Variants in CUL1 observed in about 807,000 individuals in gnomAD.
CUL1 encodes the protein cullin-1.
CUL1 carries 24 observed loss-of-function variants against 118.0 expected under a neutral mutation model. That is an observed-to-expected ratio of 0.20 (90% CI 0.15 to 0.29). CUL1 has a LOEUF of 0.29. Ranked by LOEUF, CUL1 falls within the 10% of genes least tolerant of loss-of-function variation. The pLI, the probability that CUL1 is intolerant of heterozygous loss-of-function variation, is 1.00. For synonymous variants in CUL1, 332 were observed against 340.4 expected (o/e 0.98, Z 0.27); for missense variants, 361 against 933.8 (o/e 0.39, Z 7.99).
rs1208702219 is a variant in CUL1, at chr7:148,706,661, G to T, written c.-162+7632G>T. 4.6e-5 allele frequency among the ~76,000 whole-genome samples: 5 copies of T among 109,844 alleles called. No individual in the cohort carries two copies. The Admixed American group carries it at 5.6e-4, about 12-fold the overall frequency. The allele number at this position is 109,844 out of a possible 152,430, so 72.1% of individuals were successfully genotyped here. A position where few individuals can be genotyped will look rare whatever the true frequency, so the allele number is the denominator to read the frequency against. On this transcript the variant is annotated intron_variant, in intron 1 of 21. Transcript: ENST00000325222. ...TATAGGGGACTTTGCCCTATACAGGGTATGTGTGTTGGGGGTGGGGGCGGC... is the reference window on the plus strand; with the variant it reads ...TATAGGGGACTTTGCCCTATACAGGTTATGTGTGTTGGGGGTGGGGGCGGC...
chr7:148,724,085 T>C (rs547692394), intron 1 of CUL1, among the ~76,000 whole-genome samples: 9 of 152,338 alleles, frequency 5.9e-5, no homozygotes, highest in Non-Finnish European at 5.9e-5. Context: ...AAGTGCTCTT[T>C]TTCAAAAGCC....
Position 148,800,389 on chromosome 7 carries a change from C to T in CUL1, c.2251-113C>T. ...TCTGGGGCGGGGACACTGCTCCCCA[C>T]TGAGCTCCGAATCAGGGGAGATTTG... On this transcript the variant is annotated intron_variant, in intron 21 of 21. Transcript: ENST00000325222. The surrounding 1 kb of genome is among the most constrained non-coding windows in gnomAD (Gnocchi z 4.6). 2 of 813,092 alleles carry T rather than the reference C, an allele frequency of 2.5e-6. No homozygotes were observed. The highest frequency in any genetic ancestry group is 3.2e-5 in the South Asian group (2 of 63,150). 50.4% of individuals were successfully genotyped at this position (813,092 alleles called of 1,614,324 possible). A position where few individuals can be genotyped will look rare whatever the true frequency, so the allele number is the denominator to read the frequency against.
intron 1 of CUL1, among the ~76,000 whole-genome samples, chr7:148,725,496 C>T (rs898687310): frequency 8.5e-5 from 13 of 152,206 alleles, no homozygotes; most frequent in African/African-American, 3.1e-4. Flanking sequence ...TACAGAGTTC[C>T]CTGCCAGGGT....
rs1256782355 is a variant in CUL1, at chr7:148,760,544, C to G, written c.789+48C>G. 5 of 1,341,606 alleles carry G rather than the reference C, an allele frequency of 3.7e-6. No homozygotes were observed. In the East Asian group the frequency reaches 1.2e-4, roughly 33 times the overall value. The allele number at this position is 1,341,606 out of a possible 1,614,324, so 83.1% of individuals were successfully genotyped here. On this transcript the variant is annotated intron_variant, in intron 7 of 21. Transcript: ENST00000325222. ...AAGTAGACTTAAGTTAAAGTCATTG[C>G]TACTCAAGTGAGTTCTTTTTAGCAT... is the stretch of plus-strand genomic sequence containing the variant.
intron 2 of CUL1, among the ~76,000 whole-genome samples, chr7:148,747,183 C>G (rs1203774484): frequency 6.6e-6 from 1 of 152,176 alleles, no homozygotes. Context: ...TTTTGCTGCA[C>G]TTTAGCTATC....
chr7:148,754,771 G>A (rs1465838276), intron 3 of CUL1, among the ~76,000 whole-genome samples: 3 of 150,454 alleles, frequency 2.0e-5, no homozygotes, highest in Non-Finnish European at 4.4e-5. Context: ...TTTTAAGACA[G>A]GGTCTTGTTC....
At position 148,730,107 on chromosome 7, in the gene CUL1, T is replaced by C. The variant is rs778032043; in HGVS notation, c.-16T>C. The C allele has an allele frequency of 2.4e-5, 38 of 1,611,016 alleles. No individual in the cohort carries two copies. The highest frequency in any genetic ancestry group is 3.1e-5 in the Non-Finnish European group (36 of 1,178,774). On this transcript the variant is annotated 5_prime_UTR_variant, in exon 2 of 22. Transcript: ENST00000325222. ...TAAGGATTGCTGCACTGGACGACTT[T>C]AGAACATCCCTCACAATGTCGTCAA...
intron 21 of CUL1, among the ~76,000 whole-genome samples, chr7:148,799,740 C>T (rs1395002240): frequency 2.0e-5 from 3 of 151,746 alleles, no homozygotes; most frequent in Non-Finnish European, 4.4e-5. Context: ...GTTTTGCCTG[C>T]TTTTGCGTGA....
At chr7:148,726,933 G>C (rs569246734) in intron 1 of CUL1, among the ~76,000 whole-genome samples, 11 of 152,086 alleles carry the variant, frequency 7.2e-5, no homozygotes, top group African/African-American at 2.7e-4. Flanking sequence ...GATCACCTGA[G>C]CCCAGGGGGT....
intron 1 of CUL1, among the ~76,000 whole-genome samples, chr7:148,725,221 T>TCACACACA (rs1164701228): frequency 2.1e-4 from 31 of 145,484 alleles, no homozygotes; most frequent in African/African-American, 7.6e-4. Context: ...ACGCGCGCGC[T>TCACACACA]CACACACACA....
intron 1 of CUL1, among the ~76,000 whole-genome samples, chr7:148,699,938 C>T (rs2129458684): frequency 1.3e-5 from 2 of 152,156 alleles, no homozygotes; most frequent in South Asian, 4.2e-4. Flanking sequence ...ATCTGAAAGA[C>T]CCCCGTTTCT....
rs560327923 is a variant in CUL1 at position 148,800,293 on chromosome 7, C to T, written c.2251-209C>T. ...GGGTGCAGGAGGGACTCGGAGTCAC[C>T]CTCAGCAAGTGTCAGGGAGCTCCGT... On this transcript the variant is annotated intron_variant, in intron 21 of 21. Coordinates refer to ENST00000325222, the MANE Select transcript of CUL1 (RefSeq NM_003592.3). This position sits in a 1 kb window ranked among gnomAD's most constrained non-coding sequence, Gnocchi z 4.6. Among the ~76,000 whole-genome samples, 1 of 152,306 alleles carries T rather than the reference C, an allele frequency of 6.6e-6. No homozygotes were observed. Among genetic ancestry groups the T allele is most frequent in the South Asian group, 2.1e-4 (1 of 4,826 alleles).
intron 9 of CUL1, among the ~76,000 whole-genome samples, chr7:148,769,129 T>C (rs1281469935): frequency 6.6e-6 from 1 of 152,150 alleles, no homozygotes; most frequent in East Asian, 1.9e-4. Flanking sequence ...GACAGCTATC[T>C]CACCCTTGGC....
At chr7:148,778,221 G>A (rs1212080763) in intron 9 of CUL1, among the ~76,000 whole-genome samples, 1 of 151,948 alleles carries the variant, frequency 6.6e-6, no homozygotes, top group Non-Finnish European at 1.5e-5. Flanking sequence ...TGAAAGAGGT[G>A]AGATGATACA....
At chr7:148,798,466 C>T in intron 19 of CUL1, 106 bp from the exon 20 acceptor site, 1 of 748,000 alleles carries the variant, frequency 1.3e-6, no homozygotes, top group Non-Finnish European at 2.3e-6. Flanking sequence ...ATTCTCCCCT[C>T]TGTCTAGGGA....
Position 148,757,022 on chromosome 7 carries a change from T to C in CUL1, c.355T>C (p.Tyr119His). 1 of 1,608,398 alleles carries C rather than the reference T, an allele frequency of 6.2e-7. No homozygotes were observed. The highest frequency in any genetic ancestry group is 8.5e-7 in the Non-Finnish European group (1 of 1,178,042). Residue 119 changes from tyrosine (Y) to histidine (H), a missense_variant, in exon 4 of 22, where the codon TAC becomes CAC. Tyr to His is a moderately conservative substitution (Grantham distance 83). Around this residue, in one of 7 missense-constraint regions of CUL1, gnomAD observed 49 missense variants for 67.4 expected, o/e 0.73. Coordinates refer to ENST00000325222, the MANE Select transcript of CUL1 (RefSeq NM_003592.3). ...GATGGATGAGAGTGTACTGAAATTCTACACTCAACAATGGGAAGATTATCG... is the reference window on the plus strand; with the variant it reads ...GATGGATGAGAGTGTACTGAAATTCCACACTCAACAATGGGAAGATTATCG... ...DLMDESVLKF[Y>H]TQQWEDYRFS...
In CUL1 at chr7:148,730,041, C is replaced by A; in HGVS notation, c.-82C>A. 1 of 1,464,380 alleles carries A rather than the reference C, an allele frequency of 6.8e-7. No homozygotes were observed. Among genetic ancestry groups the A allele is most frequent in the Non-Finnish European group, 9.3e-7 (1 of 1,078,290 alleles). The allele number at this position is 1,464,380 out of a possible 1,614,324, so 90.7% of individuals were successfully genotyped here. ...TGCTGTGAATAAATTTGGAATGGTA[C>A]TGTATATTTTCATCTAATGGAGAAC... is the stretch of plus-strand genomic sequence containing the variant. On this transcript the variant is annotated 5_prime_UTR_variant, in exon 2 of 22. It adds an upstream start codon to the 5' untranslated region. Transcript: ENST00000325222.
chr7:148,727,718 G>A (rs1035092953), intron 1 of CUL1, among the ~76,000 whole-genome samples: 1 of 152,086 alleles, frequency 6.6e-6, no homozygotes, highest in Non-Finnish European at 1.5e-5. Context: ...CTAGGCAGAA[G>A]CAGTAGCAGA....
rs74694590 is a variant in CUL1, at chr7:148,721,518, A to G, written c.-161-8444A>G. ...GCATCATATCATTTCAATCACAAAA[A>G]TATGTATCCCTAGCTAGTATATATA... On this transcript the variant is annotated intron_variant, in intron 1 of 21. Transcript: ENST00000325222. Among the ~76,000 whole-genome samples, 735 of 152,198 alleles carry G rather than the reference A, an allele frequency of 4.8e-3. 6 individuals carry two copies. Among genetic ancestry groups the G allele is most frequent in the African/African-American group, 0.017 (705 of 41,510 alleles).
Sources: gnomAD v4.1 joint callset for allele counts (sites outside exome capture counted in the v4.1 genomes callset) on GRCh38, gnomAD v4.1.1 for gene constraint, gnomAD v4.1.1 regional missense constraint, Gnocchi (gnomAD v3.1) non-coding constraint, MANE v1.5 for transcripts, NCBI Gene and HGNC (gene_info 2026-07-23, HGNC 2026-07-21) for gene names.